Variants in CADPS2 observed in about 807,000 individuals in gnomAD.
CADPS2 encodes the protein calcium-dependent secretion activator 2.
CADPS2 carries 93 observed loss-of-function variants against 172.5 expected under a neutral mutation model. That is an observed-to-expected ratio of 0.54 (90% CI 0.46 to 0.64). CADPS2 has a LOEUF of 0.64. CADPS2 is among the 30% of genes least tolerant of loss of function. The pLI, the probability that CADPS2 is intolerant of heterozygous loss-of-function variation, is 0.00. For synonymous variants in CADPS2, 546 were observed against 555.2 expected (o/e 0.98, Z 0.23); for missense variants, 1,420 against 1,565.9 (o/e 0.91, Z 1.57).
intron 1 of CADPS2, among the ~76,000 whole-genome samples, chr7:122,873,289 A>G (rs1820281696): frequency 6.6e-6 from 1 of 152,094 alleles, no homozygotes; most frequent in Non-Finnish European, 1.5e-5. Context: ...TGTCATCTAC[A>G]TTAGGTATTT....
chr7:122,773,973 A>C (rs551682174), intron 1 of CADPS2, among the ~76,000 whole-genome samples: 1 of 152,024 alleles, frequency 6.6e-6, no homozygotes, highest in Admixed American at 6.6e-5. Context: ...TCTTGCATAA[A>C]CTTTATATAT....
At chr7:122,855,657 C>T (rs1240065668) in intron 1 of CADPS2, among the ~76,000 whole-genome samples, 1 of 152,036 alleles carries the variant, frequency 6.6e-6, no homozygotes, top group Non-Finnish European at 1.5e-5. Context: ...GCAGGAAAAG[C>T]CTAGAAACAG....
intron 1 of CADPS2, among the ~76,000 whole-genome samples, chr7:122,870,447 T>C (rs557173472): frequency 6.6e-6 from 1 of 152,028 alleles, no homozygotes; most frequent in South Asian, 2.1e-4. Flanking sequence ...AGTAGAAAGA[T>C]AGCCACCAGA....
intron 1 of CADPS2, among the ~76,000 whole-genome samples, chr7:122,810,460 T>C (rs1799778888): frequency 6.6e-6 from 1 of 152,170 alleles, no homozygotes; most frequent in Admixed American, 6.5e-5. Context: ...CTCAAGAAAC[T>C]GGTTGAGGAA....
At chr7:122,677,515 A>G (rs2082507682) in intron 2 of CADPS2, among the ~76,000 whole-genome samples, 1 of 152,226 alleles carries the variant, frequency 6.6e-6, no homozygotes, top group Non-Finnish European at 1.5e-5. Context: ...AATGCCATCA[A>G]TATTTAAGGC....
chr7:122,758,494 C>T (rs546210018), intron 1 of CADPS2, among the ~76,000 whole-genome samples: 1 of 152,204 alleles, frequency 6.6e-6, no homozygotes, highest in South Asian at 2.1e-4. Context: ...TGTAAAGCAC[C>T]ATGATTATGT....
intron 2 of CADPS2, among the ~76,000 whole-genome samples, chr7:122,689,976 C>G (rs1454421652): frequency 6.6e-6 from 1 of 152,206 alleles, no homozygotes; most frequent in African/African-American, 2.4e-5. Flanking sequence ...ATCCCACCCA[C>G]TGTCCACGAG....
At chr7:122,754,842 C>T (rs1220400742) in intron 1 of CADPS2, among the ~76,000 whole-genome samples, 1 of 152,180 alleles carries the variant, frequency 6.6e-6, no homozygotes, top group Non-Finnish European at 1.5e-5. Flanking sequence ...ATTTTAATTA[C>T]TGAATTAAAT....
chr7:122,422,832 G>A (rs1052979291), intron 17 of CADPS2, among the ~76,000 whole-genome samples: 5 of 150,978 alleles, frequency 3.3e-5, no homozygotes, highest in South Asian at 2.1e-4. Context: ...GGTGGCACAC[G>A]CCTGTAATCC....
intron 17 of CADPS2, among the ~76,000 whole-genome samples, chr7:122,437,710 G>C (rs1451618585): frequency 6.6e-6 from 1 of 151,354 alleles, no homozygotes; most frequent in Admixed American, 6.6e-5. Flanking sequence ...TAAAACTGTT[G>C]AATAAAAGCT....
chr7:122,451,460 C>T lies in CADPS2; in HGVS notation c.2202G>A (p.Gly734=). ...HVHGNRPDGI[G]TVSVEEKERF... ...TTTCTTTTTCTTCCACTGAAACAGTCCCAATTCCATCAGGCCTGAAAAAAA... is the reference window on the plus strand; with the variant it reads ...TTTCTTTTTCTTCCACTGAAACAGTTCCAATTCCATCAGGCCTGAAAAAAA... Residue 734 remains glycine (G), a synonymous_variant, in exon 15 of 30, where the codon GGG becomes GGA. Coordinates refer to ENST00000449022, the MANE Select transcript of CADPS2 (RefSeq NM_017954.11). The T allele has an allele frequency of 6.3e-7, 1 of 1,575,872 alleles. No homozygotes were observed. Among genetic ancestry groups the T allele is most frequent in the Non-Finnish European group, 8.6e-7 (1 of 1,160,404 alleles).
At chr7:122,657,334 G>C (rs561804640) in intron 3 of CADPS2, among the ~76,000 whole-genome samples, 2 of 152,050 alleles carry the variant, frequency 1.3e-5, no homozygotes, top group African/African-American at 2.4e-5. Flanking sequence ...AGTGCTTTCC[G>C]ATTCTGTGAA....
chr7:122,735,273 C>A (rs1363916301), intron 2 of CADPS2, among the ~76,000 whole-genome samples: 1 of 152,104 alleles, frequency 6.6e-6, no homozygotes, highest in Non-Finnish European at 1.5e-5. Context: ...CCTAGTTTTA[C>A]TCTTGGGATT....
intron 2 of CADPS2, among the ~76,000 whole-genome samples, chr7:122,709,360 C>T (rs969576638): frequency 6.6e-6 from 1 of 151,996 alleles, no homozygotes; most frequent in African/African-American, 2.4e-5. Context: ...CAATGAGATA[C>T]CATCTTACAC....
intron 6 of CADPS2, among the ~76,000 whole-genome samples, chr7:122,598,133 T>C (rs546884851): frequency 3.3e-5 from 5 of 152,118 alleles, no homozygotes; most frequent in East Asian, 3.9e-4. Context: ...CTTATTTCCA[T>C]AGGCAAAAGT....
intron 27 of CADPS2, among the ~76,000 whole-genome samples, chr7:122,355,958 T>C (rs1229776868): frequency 1.3e-5 from 2 of 152,214 alleles, no homozygotes; most frequent in Non-Finnish European, 2.9e-5. Context: ...ATTTTAGATT[T>C]ACAGAAACAC....
At chr7:122,386,991 G>A (rs371753070) in intron 24 of CADPS2, 35 bp downstream of exon 24, 284 of 1,546,684 alleles carry the variant, frequency 1.8e-4, no homozygotes, top group Non-Finnish European at 2.3e-4. Flanking sequence ...AAGGCACCCT[G>A]TGCTGCCTTT....
intron 7 of CADPS2, among the ~76,000 whole-genome samples, chr7:122,573,328 G>A (rs887722467): frequency 5.8e-4 from 88 of 152,218 alleles, no homozygotes; most frequent in African/African-American, 2.0e-3. Flanking sequence ...GATCACTTGA[G>A]CCCAGGAGTT....
intron 1 of CADPS2, chr7:122,849,775 A>C: frequency 2.1e-6 from 1 of 473,784 alleles, no homozygotes; most frequent in Non-Finnish European, 4.2e-6. Context: ...ACTGTCCCCA[A>C]GCCAGCCCCC....
Sources: allele counts gnomAD v4.1 joint callset (sites outside exome capture counted in the v4.1 genomes callset), GRCh38; gene constraint gnomAD v4.1.1; transcripts MANE v1.5; gene names NCBI Gene and HGNC (gene_info 2026-07-23, HGNC 2026-07-21).